MGAT5B: variants seen among roughly 807,000 people sequenced by gnomAD.
MGAT5B encodes N-acetylglucosaminyl-transferase Vb.
In MGAT5B, 54 loss-of-function variants were observed where a neutral mutation model predicts 95.1. That is an observed-to-expected ratio of 0.57 (90% CI 0.46 to 0.71). MGAT5B has a LOEUF of 0.71. Among genes scored for constraint, MGAT5B ranks in the 30% least tolerant of loss-of-function variants. MGAT5B has a pLI of 0.00. For synonymous variants in MGAT5B, 464 were observed against 451.0 expected, an observed-to-expected ratio of 1.03 and a Z score of -0.36; for missense variants, 935 against 1,088.6, an observed-to-expected ratio of 0.86 and a Z score of 1.99.
At chr17:76,927,778 T>C (rs879738802) in intron 10 of MGAT5B, among the ~76,000 whole-genome samples, 8 of 152,238 alleles carry the variant, frequency 5.3e-5, no homozygotes, top group Non-Finnish European at 1.0e-4. Context: ...TCACTTTTAA[T>C]TGTTGTCAGT....
intron 1 of MGAT5B, chr17:76,872,634 CG>C (rs1211823600): frequency 6.9e-6 from 10 of 1,456,094 alleles, no homozygotes; most frequent in Middle Eastern, 1.8e-4. Flanking sequence ...TGTGGTTTCT[CG>C]TGTGGCTCGA....
intron 12 of MGAT5B, among the ~76,000 whole-genome samples, chr17:76,936,092 G>A (rs1969659506): frequency 1.3e-5 from 2 of 151,426 alleles, no homozygotes; most frequent in African/African-American, 2.4e-5. Flanking sequence ...GAGCCACTGC[G>A]CCTGGCCTTG....
chr17:76,930,551 G>A lies in MGAT5B; in HGVS notation c.1292-2094G>A, dbSNP rs189562474. ...AATAAACGGTTTATTCGGGATCCCA[G>A]TGCGCAGAAGGCAGGGCTCGTGTGC... On this transcript the variant is annotated intron_variant, in intron 10 of 17. Transcript: ENST00000569840. This position sits in a 1 kb window ranked among gnomAD's most constrained non-coding sequence, Gnocchi z 4.1. 1.5e-3 allele frequency among the ~76,000 whole-genome samples: 222 copies of A among 152,312 alleles called. 1 individual carries two copies. The highest frequency in any genetic ancestry group is 5.0e-3 in the African/African-American group (207 of 41,566).
chr17:76,876,813 G>A (rs1191820171), intron 2 of MGAT5B, among the ~76,000 whole-genome samples: 2 of 152,214 alleles, frequency 1.3e-5, no homozygotes, highest in Non-Finnish European at 1.5e-5. Flanking sequence ...ACCCGGAGGA[G>A]ATCTGACTTC....
intron 3 of MGAT5B, among the ~76,000 whole-genome samples, chr17:76,883,680 T>C (rs1348590158): frequency 6.6e-6 from 1 of 152,208 alleles, no homozygotes; most frequent in Non-Finnish European, 1.5e-5. Context: ...CTTTGTGAAA[T>C]TGATTTGCTA....
rs1482606574 is a variant in MGAT5B, at chr17:76,918,180, G to A, written c.1026-6786G>A. Among the ~76,000 whole-genome samples the A allele has an allele frequency of 7.0e-5, 10 of 141,930 alleles. No homozygotes were observed. 93.1% of individuals were successfully genotyped at this position (141,930 alleles called of 152,430 possible). On this transcript the variant is annotated intron_variant, in intron 8 of 17. Transcript: ENST00000569840. This position sits in a 1 kb window ranked among gnomAD's most constrained non-coding sequence, Gnocchi z 5.1. ...TGCTCCCTCAGTTTCCCTTTCGGAG[G>A]CTCCCCCCCAACAACTGCACGCCTT...
chr17:76,945,165 G>A (rs145639816), intron 15 of MGAT5B, among the ~76,000 whole-genome samples: 11 of 145,284 alleles, frequency 7.6e-5, no homozygotes, highest in Non-Finnish European at 1.5e-4. Flanking sequence ...TTAAGAAGTC[G>A]GGGGGAGGCA....
chr17:76,908,423 C>G (rs1021246328), intron 8 of MGAT5B, among the ~76,000 whole-genome samples: 22 of 151,908 alleles, frequency 1.4e-4, no homozygotes, highest in Middle Eastern at 3.4e-3. Context: ...TACGCTACTA[C>G]GCCTGGCTAA....
chr17:76,883,928 T>C (rs1363839129), intron 3 of MGAT5B, among the ~76,000 whole-genome samples: 1 of 152,170 alleles, frequency 6.6e-6, no homozygotes, highest in Non-Finnish European at 1.5e-5. Flanking sequence ...TGTGGACTGG[T>C]GTGGGATCCG....
At chr17:76,882,586 T>C (rs1598898298) in intron 3 of MGAT5B, 1 of 348,950 alleles carries the variant, frequency 2.9e-6, no homozygotes, top group African/African-American at 2.1e-5. Flanking sequence ...TGTAAGTTTT[T>C]CCAGTCCATT....
rs960774631 is a variant in MGAT5B at position 76,915,190 on chromosome 17, G to A, written c.1025+9003G>A. 1.3e-5 allele frequency among the ~76,000 whole-genome samples: 2 copies of A among 152,164 alleles called. No homozygotes were observed. Among genetic ancestry groups the A allele is most frequent in the Admixed American group, 1.3e-4 (2 of 15,278 alleles). ...GCTGCAAAGGAGCCAGAACAGTAGG[G>A]AGGTTGTGGACATAGGAGGGAGAGA... On this transcript the variant is annotated intron_variant, in intron 8 of 17. Coordinates refer to ENST00000569840, the MANE Select transcript of MGAT5B (RefSeq NM_001199172.2). The surrounding 1 kb of genome is among the most constrained non-coding windows in gnomAD (Gnocchi z 8.7).
At chr17:76,948,138 C>A in intron 17 of MGAT5B, 52 bp downstream of exon 17, 1 of 1,535,302 alleles carries the variant, frequency 6.5e-7, no homozygotes, top group Non-Finnish European at 8.8e-7. Context: ...CTGGCCCAGC[C>A]GGGTTCACTG....
chr17:76,936,186 A>T (rs1598994257), intron 12 of MGAT5B, among the ~76,000 whole-genome samples: 1 of 151,868 alleles, frequency 6.6e-6, no homozygotes, highest in Non-Finnish European at 1.5e-5. Context: ...GGCGGGGTGG[A>T]TCCCGAGGTC....
intron 3 of MGAT5B, among the ~76,000 whole-genome samples, chr17:76,898,146 A>T (rs1157654179): frequency 6.6e-6 from 1 of 152,118 alleles, no homozygotes; most frequent in African/African-American, 2.4e-5. Flanking sequence ...AGTTTTACAT[A>T]TGGACAGATT....
intron 15 of MGAT5B, among the ~76,000 whole-genome samples, chr17:76,945,671 A>G (rs2145289534): frequency 6.6e-6 from 1 of 152,278 alleles, no homozygotes; most frequent in South Asian, 2.1e-4. Context: ...TACAAATGTC[A>G]TCTCATTCCC....
intron 10 of MGAT5B, 55 bp downstream of exon 10, chr17:76,926,785 A>G (rs769619228): frequency 8.8e-6 from 14 of 1,589,000 alleles, no homozygotes; most frequent in Non-Finnish European, 1.1e-5. Context: ...TGGTTCTCAG[A>G]GGTGACACGA....
In MGAT5B at chr17:76,940,855, G is replaced by A. The variant is rs769622043; in HGVS notation, c.1848+7G>A. 1 of 1,606,976 alleles carries A rather than the reference G, an allele frequency of 6.2e-7. No individual in the cohort carries two copies. Among genetic ancestry groups the A allele is most frequent in the African/African-American group, 1.3e-5 (1 of 74,898 alleles). On this transcript the variant is annotated splice_region_variant and intron_variant, in intron 15 of 17. Coordinates refer to ENST00000569840, the MANE Select transcript of MGAT5B (RefSeq NM_001199172.2). The surrounding 1 kb of genome is among the most constrained non-coding windows in gnomAD (Gnocchi z 4.3). ...GGCCATTATGAGAACTCAGGTGAGAGCAGCCACATACAGTTGAGACCCCCC... is the reference window on the plus strand; with the variant it reads ...GGCCATTATGAGAACTCAGGTGAGAACAGCCACATACAGTTGAGACCCCCC...
intron 3 of MGAT5B, among the ~76,000 whole-genome samples, chr17:76,893,557 G>T (rs1967958901): frequency 6.6e-6 from 1 of 152,236 alleles, no homozygotes; most frequent in African/African-American, 2.4e-5. Context: ...GGGCTCAGGG[G>T]CATCTGCACC....
Position 76,889,566 on chromosome 17 carries a change from C to T in MGAT5B, c.329+7268C>T, listed in dbSNP as rs901850300. Among the ~76,000 whole-genome samples the T allele has an allele frequency of 1.3e-5, 2 of 152,182 alleles. No homozygotes were observed. The highest frequency in any genetic ancestry group is 2.9e-5 in the Non-Finnish European group (2 of 68,032). On this transcript the variant is annotated intron_variant, in intron 3 of 17. Transcript: ENST00000569840. The surrounding 1 kb of genome is among the most constrained non-coding windows in gnomAD (Gnocchi z 4.4). ...TCAGCCAGTGCCACCCCAGGGCAGC[C>T]GTCGGCCCCCAGGGGCATGTTCTGG...
Sources: allele counts gnomAD v4.1 joint callset (sites outside exome capture counted in the v4.1 genomes callset), GRCh38; gene constraint gnomAD v4.1.1; non-coding constraint Gnocchi (gnomAD v3.1); transcripts MANE v1.5; gene names NCBI Gene and HGNC (gene_info 2026-07-23, HGNC 2026-07-21).